CSMD1: variants seen among roughly 807,000 people sequenced by gnomAD.
CSMD1 encodes the protein CUB and Sushi multiple domains 1, also known as CUB and sushi domain-containing protein 1.
CSMD1 carries 213 observed loss-of-function variants against 417.5 expected under a neutral mutation model. The observed-to-expected ratio is 0.51, with a 90% CI of 0.46 to 0.57. The LOEUF (loss-of-function observed/expected upper bound fraction) is 0.57. CSMD1 is among the 20% of genes least tolerant of loss of function. CSMD1 has a pLI of 0.00. For synonymous variants in CSMD1, 2,862 were observed against 1,736.8 expected, an observed-to-expected ratio of 1.65 and a Z score of -16.11; for missense variants, 6,923 against 4,529.7, an observed-to-expected ratio of 1.53 and a Z score of -15.17.
chr8:4,599,919 G>C (rs1004811412), intron 2 of CSMD1, among the ~76,000 whole-genome samples: 4 of 152,224 alleles, frequency 2.6e-5, no homozygotes, highest in South Asian at 2.1e-4. Flanking sequence ...TAATTCATAA[G>C]CTGAACCCAG....
chr8:2,971,096 T>C (rs1199425177), intron 57 of CSMD1, among the ~76,000 whole-genome samples: 1 of 152,220 alleles, frequency 6.6e-6, no homozygotes, highest in Non-Finnish European at 1.5e-5. Flanking sequence ...AACAAAGGCA[T>C]TCTCTTACAT....
intron 3 of CSMD1, among the ~76,000 whole-genome samples, chr8:4,094,267 T>G (rs1226991844): frequency 1.3e-5 from 2 of 151,932 alleles, no homozygotes; most frequent in Non-Finnish European, 2.9e-5. Context: ...TCAGGGGTGA[T>G]CTACTGGGGG....
intron 12 of CSMD1, among the ~76,000 whole-genome samples, chr8:3,416,824 A>G (rs1813183394): frequency 6.6e-6 from 1 of 152,050 alleles, no homozygotes; most frequent in African/African-American, 2.4e-5. Context: ...GTAGATGAGA[A>G]CTCCATGAAT....
chr8:4,439,018 A>T (rs1798309694), intron 2 of CSMD1, among the ~76,000 whole-genome samples: 1 of 152,160 alleles, frequency 6.6e-6, no homozygotes, highest in African/African-American at 2.4e-5. Flanking sequence ...TCAGAACTGA[A>T]TAATAAACTA....
intron 3 of CSMD1, among the ~76,000 whole-genome samples, chr8:4,355,721 T>C (rs929094559): frequency 6.6e-6 from 1 of 152,186 alleles, no homozygotes; most frequent in Admixed American, 6.5e-5. Context: ...GGTCCAGCAA[T>C]GCATCTTTAT....
chr8:4,165,628 C>T (rs1158457037), intron 3 of CSMD1, among the ~76,000 whole-genome samples: 1 of 152,162 alleles, frequency 6.6e-6, no homozygotes, highest in Non-Finnish European at 1.5e-5. Flanking sequence ...GGCTTGAACT[C>T]CTTGACACAA....
At chr8:4,044,658 C>T (rs1052963273) in intron 3 of CSMD1, among the ~76,000 whole-genome samples, 8 of 152,276 alleles carry the variant, frequency 5.3e-5, no homozygotes, top group East Asian at 1.9e-4. Context: ...GTGTACCACC[C>T]TGGGCGTGTA....
At chr8:3,389,821 G>C (rs1336164226) in intron 17 of CSMD1, among the ~76,000 whole-genome samples, 1 of 152,160 alleles carries the variant, frequency 6.6e-6, no homozygotes, top group Non-Finnish European at 1.5e-5. Flanking sequence ...GGTCACAATT[G>C]ATGCTTAGTT....
At chr8:4,381,105 T>C (rs1295266734) in intron 3 of CSMD1, among the ~76,000 whole-genome samples, 1 of 152,194 alleles carries the variant, frequency 6.6e-6, no homozygotes, top group Non-Finnish European at 1.5e-5. Context: ...TAGCCATTAC[T>C]TTTGCACCAA....
intron 23 of CSMD1, among the ~76,000 whole-genome samples, chr8:3,327,531 T>C (rs1806613289): frequency 6.6e-6 from 1 of 152,224 alleles, no homozygotes; most frequent in Non-Finnish European, 1.5e-5. Context: ...ATCAGTTTAA[T>C]GTCTGTTAGA....
intron 37 of CSMD1, among the ~76,000 whole-genome samples, chr8:3,172,549 G>A (rs1231489485): frequency 1.3e-5 from 2 of 152,148 alleles, no homozygotes; most frequent in African/African-American, 4.8e-5. Flanking sequence ...TGATCTTGTT[G>A]TCTGGTTGTG....
intron 26 of CSMD1, among the ~76,000 whole-genome samples, chr8:3,253,806 GT>G (rs1268155528): frequency 2.0e-5 from 3 of 152,162 alleles, no homozygotes; most frequent in African/African-American, 7.2e-5. Context: ...ACAGCACACT[GT>G]AGGGTCTTGA....
chr8:4,319,610 G>T (rs535699850), intron 3 of CSMD1, among the ~76,000 whole-genome samples: 2 of 152,138 alleles, frequency 1.3e-5, no homozygotes, highest in African/African-American at 4.8e-5. Flanking sequence ...ATTCCTGAGA[G>T]AAGAAAACAA....
At chr8:4,345,573 A>C (rs1428525973) in intron 3 of CSMD1, among the ~76,000 whole-genome samples, 4 of 152,142 alleles carry the variant, frequency 2.6e-5, no homozygotes. Flanking sequence ...ACAAAGCACT[A>C]ATATCTAAAA....
chr8:3,237,724 C>CTATAAATATAATTTTTATAATTA (rs1563171595), intron 26 of CSMD1, among the ~76,000 whole-genome samples: 3 of 135,748 alleles, frequency 2.2e-5, no homozygotes, highest in Non-Finnish European at 3.2e-5. Flanking sequence ...TATACTTATA[C>CTATAAATATAATTTTTATAATTA]TACAAATATA....
intron 7 of CSMD1, among the ~76,000 whole-genome samples, chr8:3,652,667 C>T (rs139172703): frequency 1.0e-3 from 156 of 152,266 alleles, no homozygotes; most frequent in African/African-American, 3.6e-3. Flanking sequence ...TTATTCACTA[C>T]CATAGGAACA....
At chr8:4,129,328 G>A (rs764626336) in intron 3 of CSMD1, among the ~76,000 whole-genome samples, 4 of 152,022 alleles carry the variant, frequency 2.6e-5, no homozygotes, top group Admixed American at 2.6e-4. Flanking sequence ...TGGAGCCTGG[G>A]AATTCATTTT....
intron 54 of CSMD1, among the ~76,000 whole-genome samples, chr8:2,997,391 G>A (rs193202575): frequency 6.6e-6 from 1 of 152,196 alleles, no homozygotes; most frequent in Non-Finnish European, 1.5e-5. Context: ...TCTTGTCAGA[G>A]AAAGAGACAT....
chr8:4,391,965 A>G (rs1281606222), intron 3 of CSMD1, among the ~76,000 whole-genome samples: 1 of 152,312 alleles, frequency 6.6e-6, no homozygotes, highest in East Asian at 1.9e-4. Flanking sequence ...AGCAGAAAGC[A>G]CATTAAAAGA....
Sources: allele counts gnomAD v4.1 joint callset (sites outside exome capture counted in the v4.1 genomes callset), GRCh38; gene constraint gnomAD v4.1.1; transcripts MANE v1.5; gene names NCBI Gene and HGNC (gene_info 2026-07-23, HGNC 2026-07-21).